Variants in MGAT5 observed in about 807,000 individuals in gnomAD.
The protein encoded by MGAT5 is alpha-1,6-mannosylglycoprotein 6-beta-N-acetylglucosaminyltransferase A.
In MGAT5, 30 loss-of-function variants were observed where a neutral mutation model predicts 94.3. The ratio of observed to expected loss-of-function variants is 0.32; its 90% confidence interval spans 0.24 to 0.43. The LOEUF (loss-of-function observed/expected upper bound fraction) is 0.43, where lower values mean the gene tolerates loss of function less well. MGAT5 is among the 20% of genes least tolerant of loss of function. The pLI, the probability that MGAT5 is intolerant of heterozygous loss-of-function variation, is 1.00. For missense variants in MGAT5, 691 were observed against 905.5 expected, an observed-to-expected ratio of 0.76 and a Z score of 3.04; for synonymous variants, 310 against 322.9, an observed-to-expected ratio of 0.96 and a Z score of 0.43.
intron 2 of MGAT5, among the ~76,000 whole-genome samples, chr2:134,289,897 A>G (rs555038347): frequency 2.0e-5 from 3 of 152,300 alleles, no homozygotes; most frequent in Non-Finnish European, 2.9e-5. Flanking sequence ...ACATTGCCCC[A>G]TGCACCTTTT....
intron 10 of MGAT5, among the ~76,000 whole-genome samples, chr2:134,387,313 TATATATATATATATA>T (rs1337076646): frequency 7.0e-5 from 3 of 43,060 alleles, no homozygotes; most frequent in African/African-American, 2.9e-4. Flanking sequence ...TATATATATA[TATATATATATATATA>T]TATATTTTTT....
At chr2:134,219,739 T>G (rs901339550) in intron 1 of MGAT5, among the ~76,000 whole-genome samples, 4 of 152,170 alleles carry the variant, frequency 2.6e-5, no homozygotes, top group Admixed American at 1.3e-4. Context: ...CTGAAAAAAT[T>G]ACGGAATCAC....
chr2:134,354,249 A>G (rs558003943), intron 9 of MGAT5, among the ~76,000 whole-genome samples: 2 of 152,174 alleles, frequency 1.3e-5, no homozygotes, highest in Non-Finnish European at 2.9e-5. Context: ...CTGTGTGCTT[A>G]GATTGTGTTC....
At chr2:134,123,643 G>A (rs1384014966) in intron 1 of MGAT5, among the ~76,000 whole-genome samples, 4 of 152,168 alleles carry the variant, frequency 2.6e-5, no homozygotes, top group Admixed American at 1.3e-4. Context: ...GAAAGTGTGT[G>A]CTGTTAGCTT....
intron 1 of MGAT5, among the ~76,000 whole-genome samples, chr2:134,158,496 C>T (rs1311861740): frequency 2.0e-5 from 3 of 152,278 alleles, no homozygotes; most frequent in East Asian, 1.9e-4. Flanking sequence ...GAGCTGGTGC[C>T]GGGAGCCGAG....
At chr2:134,130,113 C>G (rs905539372) in intron 1 of MGAT5, among the ~76,000 whole-genome samples, 4 of 151,656 alleles carry the variant, frequency 2.6e-5, no homozygotes, top group Admixed American at 2.0e-4. Flanking sequence ...ACTGCCGGCC[C>G]GTCCGCACCA....
At chr2:134,429,263 G>A (rs1039931361) in intron 14 of MGAT5, among the ~76,000 whole-genome samples, 4 of 152,250 alleles carry the variant, frequency 2.6e-5, no homozygotes, top group African/African-American at 9.6e-5. Flanking sequence ...CCCAAGGTGG[G>A]CTTCAAAGGA....
chr2:134,381,364 T>TAGATAGATAGATA (rs150819045), intron 10 of MGAT5, among the ~76,000 whole-genome samples: 75 of 95,574 alleles, frequency 7.8e-4, no homozygotes, highest in South Asian at 1.3e-3. Context: ...GATAGATAGA[T>TAGATAGATAGATA]AGATAAGATA....
At chr2:134,428,274 A>G in intron 13 of MGAT5, 91 bp from the exon 14 acceptor site, 1 of 1,195,768 alleles carries the variant, frequency 8.4e-7, no homozygotes, top group Non-Finnish European at 1.2e-6. Flanking sequence ...TCCTGGTGTT[A>G]GCACCCGTGT....
Position 134,237,692 on chromosome 2 carries a change from T to G in MGAT5, c.-142-16570T>G, listed in dbSNP as rs899855035. ...TTGGAGTGCAGTTTTTGTTTTTGTT[T>G]TTTTTTTTTTTGAGATGGAGTCTTG... On this transcript the variant is annotated intron_variant, in intron 1 of 16. Transcript: ENST00000409645. Among the ~76,000 whole-genome samples, 4 of 58,524 alleles carry G rather than the reference T, an allele frequency of 6.8e-5. No homozygotes were observed. The East Asian group carries it at 1.1e-3, about 16-fold the overall frequency. The allele number at this position is 58,524 out of a possible 152,430, so 38.4% of individuals were successfully genotyped here.
upstream of MGAT5, among the ~76,000 whole-genome samples, chr2:134,252,136 A>G (rs1386495466): frequency 6.6e-6 from 1 of 152,196 alleles, no homozygotes; most frequent in Admixed American, 6.5e-5. Context: ...GGAACACTGC[A>G]GGCTGGAGCC....
intron 1 of MGAT5, among the ~76,000 whole-genome samples, chr2:134,141,149 C>T (rs34205085): frequency 7.2e-4 from 110 of 152,310 alleles, no homozygotes; most frequent in Non-Finnish European, 1.0e-3. Flanking sequence ...ACTTCCCTCT[C>T]GGTCTCACAT....
chr2:134,204,829 A>G, intron 1 of MGAT5, among the ~76,000 whole-genome samples: 1 of 152,172 alleles, frequency 6.6e-6, no homozygotes, highest in East Asian at 1.9e-4. Flanking sequence ...GAGGGGAGTC[A>G]CACTCCATCG....
At chr2:134,342,650 G>T (rs1178921544) in intron 7 of MGAT5, among the ~76,000 whole-genome samples, 1 of 150,516 alleles carries the variant, frequency 6.6e-6, no homozygotes, top group Non-Finnish European at 1.5e-5. Flanking sequence ...TACTCGAGAG[G>T]CAGAGGCTGC....
intron 1 of MGAT5, among the ~76,000 whole-genome samples, chr2:134,180,058 A>C (rs1688662370): frequency 6.6e-6 from 1 of 152,246 alleles, no homozygotes; most frequent in Non-Finnish European, 1.5e-5. Context: ...CCCAGAAGTT[A>C]TCCTATATGG....
chr2:134,152,500 CA>C (rs1459452524), intron 1 of MGAT5, among the ~76,000 whole-genome samples: 2 of 152,190 alleles, frequency 1.3e-5, no homozygotes, highest in Non-Finnish European at 2.9e-5. Flanking sequence ...GGGACCCACT[CA>C]CTGCCATGGG....
At chr2:134,300,774 T>G (rs1372293162) in intron 2 of MGAT5, among the ~76,000 whole-genome samples, 2 of 152,138 alleles carry the variant, frequency 1.3e-5, no homozygotes, top group African/African-American at 2.4e-5. Flanking sequence ...TAAGTTCCAG[T>G]GAAGGTCGTT....
chr2:134,259,034 A>G (rs1683156276), intron 1 of MGAT5, among the ~76,000 whole-genome samples: 1 of 152,230 alleles, frequency 6.6e-6, no homozygotes, highest in Admixed American at 6.5e-5. Context: ...GTGATTTGAA[A>G]AGAGACTTCT....
At chr2:134,312,510 A>G (rs1199808796) in intron 2 of MGAT5, among the ~76,000 whole-genome samples, 1 of 152,078 alleles carries the variant, frequency 6.6e-6, no homozygotes, top group Non-Finnish European at 1.5e-5. Flanking sequence ...TTTCCTCTTC[A>G]GTTCTCTGGA....
Sources: gnomAD v4.1 joint callset for allele counts (sites outside exome capture counted in the v4.1 genomes callset) on GRCh38, gnomAD v4.1.1 for gene constraint, MANE v1.5 for transcripts, NCBI Gene and HGNC (gene_info 2026-07-23, HGNC 2026-07-21) for gene names.